The following UROS variants were observed in gnomAD, a reference collection of about 807,000 sequenced individuals.
UROS encodes the protein uroporphyrinogen III synthase.
A neutral mutation model predicts 33.0 loss-of-function variants in UROS; 18 were observed. The ratio of observed to expected loss-of-function variants is 0.55; its 90% CI spans 0.38 to 0.81. The LOEUF (loss-of-function observed/expected upper bound fraction) is 0.81. Ranked by LOEUF, UROS falls within the 30% of genes least tolerant of loss-of-function variation. UROS has a pLI of 0.00. For synonymous variants in UROS, 114 were observed against 121.1 expected, an observed-to-expected ratio of 0.94 and a Z score of 0.38; for missense variants, 293 against 314.9, an observed-to-expected ratio of 0.93 and a Z score of 0.53.
chr10:125,801,303 T>G (rs987411082), intron 6 of UROS, among the ~76,000 whole-genome samples: 4 of 152,268 alleles, frequency 2.6e-5, no homozygotes, highest in African/African-American at 9.6e-5. Flanking sequence ...AGTTATACTG[T>G]ATTCTACCTT....
At chr10:125,822,348 C>T (rs1854019303) in intron 1 of UROS, among the ~76,000 whole-genome samples, 1 of 150,348 alleles carries the variant, frequency 6.7e-6, no homozygotes, top group Non-Finnish European at 1.5e-5. Flanking sequence ...TAGGGTCTAC[C>T]TCTGTCGCCC....
At chr10:125,812,080 AGTATC>A (rs1852864452) in intron 5 of UROS, 129 bp downstream of exon 5, 1 of 736,240 alleles carries the variant, frequency 1.4e-6, no homozygotes, top group Non-Finnish European at 2.3e-6. Context: ...TCTTATCAGT[AGTATC>A]GTATACTTAA....
At chr10:125,792,399 G>A (rs751249292) in intron 9 of UROS, 3 of 152,262 alleles carry the variant, frequency 2.0e-5, no homozygotes, top group South Asian at 2.1e-4. Context: ...CAAACTGGAC[G>A]TGAGTGCACC....
chr10:125,806,517 G>A (rs369391924), intron 6 of UROS, among the ~76,000 whole-genome samples: 48 of 152,324 alleles, frequency 3.2e-4, no homozygotes, highest in African/African-American at 1.0e-3. Flanking sequence ...CCCATTGTTT[G>A]TTTATTTCCT....
intron 3 of UROS, among the ~76,000 whole-genome samples, chr10:125,815,865 AG>A (rs1853274021): frequency 6.6e-6 from 1 of 152,162 alleles, no homozygotes; most frequent in African/African-American, 2.4e-5. Context: ...GTTGGGGGTG[AG>A]GGGTAGATTA....
In UROS at chr10:125,798,207, G is replaced by C. The variant is rs1589944500; in HGVS notation, c.395-62C>G. On this transcript the variant is annotated intron_variant, in intron 6 of 9. Transcript: ENST00000368797. Reference sequence around the variant, plus strand: ...GCCAGTGCCTGTGCACAGGGGAATGGGGAGGGGCAGCTTTGGGAAGGGGGA... The same window carrying C: ...GCCAGTGCCTGTGCACAGGGGAATGCGGAGGGGCAGCTTTGGGAAGGGGGA... 5 of 1,565,116 alleles carry C rather than the reference G, an allele frequency of 3.2e-6. No individual in the cohort carries two copies. In the East Asian group the frequency reaches 9.0e-5, roughly 28 times the overall value.
chr10:125,820,718 G>A (rs1457355559), intron 1 of UROS, among the ~76,000 whole-genome samples: 2 of 152,204 alleles, frequency 1.3e-5, no homozygotes, highest in African/African-American at 4.8e-5. Context: ...GTCCCTGGGA[G>A]GTTTGAGTAA....
Position 125,822,582 on chromosome 10 carries a change from C to T in UROS, c.-27+447G>A, listed in dbSNP as rs545030356. On this transcript the variant is annotated intron_variant, in intron 1 of 9. Transcript: ENST00000368797. ...AAGTGATCCACCCATCTCGGCCTCC[C>T]AAAGTGCTGGGATTACAGGTGTCCG... 3.6e-3 allele frequency among the ~76,000 whole-genome samples: 554 copies of T among 152,222 alleles called. 3 individuals carry two copies. The highest frequency in any genetic ancestry group is 6.0e-3 in the Non-Finnish European group (407 of 68,002).
At chr10:125,818,524 T>A (rs1383035986) in intron 1 of UROS, among the ~76,000 whole-genome samples, 1 of 149,180 alleles carries the variant, frequency 6.7e-6, no homozygotes, top group Non-Finnish European at 1.5e-5. Context: ...AATATAAAAT[T>A]AAAAGGTTCT....
intron 5 of UROS, among the ~76,000 whole-genome samples, chr10:125,809,850 C>A (rs956898292): frequency 1.3e-5 from 2 of 152,138 alleles, no homozygotes; most frequent in African/African-American, 2.4e-5. Flanking sequence ...CAGGTGTGAG[C>A]CACTGCACCC....
chr10:125,792,195 G>A (rs2133811933), intron 9 of UROS: 1 of 152,298 alleles, frequency 6.6e-6, no homozygotes, highest in Admixed American at 6.5e-5. Context: ...CTGGGACTGG[G>A]AACCAGCAAA....
At chr10:125,789,076 G>T in intron 9 of UROS, 71 bp from the exon 10 acceptor site, 1 of 1,579,770 alleles carries the variant, frequency 6.3e-7, no homozygotes, top group Non-Finnish European at 8.7e-7. Context: ...AGCTGGATGT[G>T]TGCAGGGGCC....
chr10:125,796,915 C>T (rs572869784), intron 7 of UROS: 2 of 946,166 alleles, frequency 2.1e-6, no homozygotes, highest in Non-Finnish European at 2.5e-6. Context: ...CAGCATAAAA[C>T]AGCAACCTAT....
intron 7 of UROS, among the ~76,000 whole-genome samples, chr10:125,797,861 G>A (rs1470175597): frequency 6.6e-6 from 1 of 152,226 alleles, no homozygotes; most frequent in Non-Finnish European, 1.5e-5. Context: ...AACAAGCTGG[G>A]AAGAGTGGAT....
intron 1 of UROS, chr10:125,819,793 T>C (rs373233997): frequency 3.3e-5 from 5 of 152,558 alleles, no homozygotes; most frequent in African/African-American, 9.7e-5. Flanking sequence ...TTATTTCCCA[T>C]TGAGGGGGAA....
rs1197982140 is a variant in UROS at position 125,794,861 on chromosome 10, A to G, written c.660+19T>C. 6.9e-6 allele frequency: 11 copies of G among 1,601,254 alleles called. No homozygotes were observed. In the South Asian group the frequency reaches 1.1e-4, roughly 16 times the overall value. ...AAAAAAGAATCTGAAAAAGACCAAAAGCTCATTGAATAACTTACCTTAATT... is the reference window on the plus strand; with the variant it reads ...AAAAAAGAATCTGAAAAAGACCAAAGGCTCATTGAATAACTTACCTTAATT... On this transcript the variant is annotated intron_variant, in intron 9 of 9. Transcript: ENST00000368797.
chr10:125,802,568 G>T, intron 6 of UROS: 1 of 1,011,290 alleles, frequency 9.9e-7, no homozygotes, highest in Non-Finnish European at 1.2e-6. Context: ...AACACCATGT[G>T]GCACAAGTGG....
At chr10:125,811,823 A>G in intron 5 of UROS, among the ~76,000 whole-genome samples, 1 of 152,084 alleles carries the variant, frequency 6.6e-6, no homozygotes. Flanking sequence ...AACAACTATG[A>G]TATCACTATC....
chr10:125,805,971 C>T (rs1390548361), intron 6 of UROS, among the ~76,000 whole-genome samples: 1 of 152,240 alleles, frequency 6.6e-6, no homozygotes, highest in African/African-American at 2.4e-5. Flanking sequence ...TGTTCCCTGA[C>T]TGCTCACTGC....
Sources: gnomAD v4.1 joint callset for allele counts (sites outside exome capture counted in the v4.1 genomes callset) on GRCh38, gnomAD v4.1.1 for gene constraint, MANE v1.5 for transcripts, NCBI Gene and HGNC (gene_info 2026-07-23, HGNC 2026-07-21) for gene names.